The following SANBR variants were observed in gnomAD, a reference collection of about 807,000 sequenced individuals.
The protein encoded by SANBR is SANT and BTB domain regulator of CSR, also known as SANT and BTB domain regulator of class switch recombination.
In SANBR, 77 loss-of-function variants were observed where a neutral mutation model predicts 101.8. The observed-to-expected ratio is 0.76, with a 90% CI of 0.63 to 0.91. The LOEUF is 0.91. SANBR is among the 40% of genes least tolerant of loss of function. The pLI, the probability that SANBR is intolerant of heterozygous loss-of-function variation, is 0.00. For synonymous variants in SANBR, 279 were observed against 274.7 expected (o/e 1.02, Z -0.15); for missense variants, 875 against 853.0 (o/e 1.03, Z -0.32).
chr2:61,104,987 A>G (rs1022400633), intron 13 of SANBR, among the ~76,000 whole-genome samples: 4 of 151,208 alleles, frequency 2.6e-5, no homozygotes, highest in Admixed American at 1.3e-4. Context: ...TCATCTCTCC[A>G]TGAGTTTGAA....
chr2:61,118,839 C>T (rs1373198275), intron 20 of SANBR, among the ~76,000 whole-genome samples: 3 of 152,094 alleles, frequency 2.0e-5, no homozygotes, highest in Admixed American at 6.6e-5. Flanking sequence ...GGATTATAGG[C>T]GTGAGCCACA....
At chr2:61,068,306 C>G (rs1480873665) in intron 1 of SANBR, among the ~76,000 whole-genome samples, 5 of 152,136 alleles carry the variant, frequency 3.3e-5, no homozygotes, top group African/African-American at 9.7e-5. Flanking sequence ...ATGACCAACT[C>G]TTTAAAAAAC....
At chr2:61,088,588 T>C in intron 10 of SANBR, 120 bp downstream of exon 10, 1 of 586,332 alleles carries the variant, frequency 1.7e-6, no homozygotes, top group Non-Finnish European at 2.7e-6. Context: ...GGTGTGGTCT[T>C]GGCTGACTGC....
At chr2:61,121,878 T>C (rs1445506230) in intron 21 of SANBR, among the ~76,000 whole-genome samples, 1 of 152,184 alleles carries the variant, frequency 6.6e-6, no homozygotes, top group Non-Finnish European at 1.5e-5. Flanking sequence ...TTCATCCCAC[T>C]TATATTTGAT....
chr2:61,104,166 A>G (rs1275252036), intron 13 of SANBR, among the ~76,000 whole-genome samples, 168 bp downstream of exon 13: 1 of 152,180 alleles, frequency 6.6e-6, no homozygotes, highest in Non-Finnish European at 1.5e-5. Flanking sequence ...ACAGATATTT[A>G]TATGATAGGC....
chr2:61,092,695 C>T (rs142147723), intron 11 of SANBR, 108 bp downstream of exon 11: 197 of 941,528 alleles, frequency 2.1e-4, no homozygotes, highest in Non-Finnish European at 6.7e-5. Context: ...CAATATCCAA[C>T]ATCTTTTTAA....
At chr2:61,086,946 A>T (rs770650684) in intron 8 of SANBR, among the ~76,000 whole-genome samples, 1 of 152,228 alleles carries the variant, frequency 6.6e-6, no homozygotes, top group Non-Finnish European at 1.5e-5. Flanking sequence ...ATAGCAGAAG[A>T]CATTACACAA....
chr2:61,092,622 A>G (rs775889045), intron 11 of SANBR, 35 bp downstream of exon 11: 5 of 1,486,054 alleles, frequency 3.4e-6, no homozygotes, highest in Admixed American at 4.3e-5. Context: ...CTGCTCTGCA[A>G]ATATTGAGAG....
At chr2:61,068,443 T>A (rs987789746) in intron 1 of SANBR, among the ~76,000 whole-genome samples, 1 of 152,174 alleles carries the variant, frequency 6.6e-6, no homozygotes, top group African/African-American at 2.4e-5. Context: ...ATAGTAATAA[T>A]TTATTTATTT....
In SANBR at chr2:61,112,395, A is replaced by G. The variant is rs147233310; in HGVS notation, c.1744+3099A>G. On this transcript the variant is annotated intron_variant, in intron 16 of 21. Transcript: ENST00000402291. ...ATTGGATCATTTGCCTTATTATTGAATTGTAAGATTTCTTTGTATATACTT... is the reference window on the plus strand; with the variant it reads ...ATTGGATCATTTGCCTTATTATTGAGTTGTAAGATTTCTTTGTATATACTT... Among the ~76,000 whole-genome samples the G allele has an allele frequency of 2.9e-3, 439 of 152,154 alleles. 1 individual carries two copies. Among genetic ancestry groups the G allele is most frequent in the African/African-American group, 9.9e-3 (409 of 41,506 alleles).
chr2:61,096,705 T>C (rs1177299), intron 11 of SANBR, among the ~76,000 whole-genome samples: 126,028 of 152,112 alleles, frequency 0.83, 52,742 homozygotes, highest in African/African-American at 0.93. Context: ...TGTACCATCG[T>C]ACCTGGTCCT....
chr2:61,082,250 A>AAAT (rs1170007807), intron 7 of SANBR, among the ~76,000 whole-genome samples: 2 of 152,224 alleles, frequency 1.3e-5, no homozygotes, highest in Non-Finnish European at 2.9e-5. Flanking sequence ...AGCAGAGACT[A>AAAT]AATGAGTTTT....
chr2:61,083,180 CAAA>C lies in SANBR; in HGVS notation c.759_761del (p.Lys253del). Reference sequence around the variant, plus strand: ...TTGAACAGTGTATTCAGTATTGCCACAAAAATATGAATGCCATAGTAGCTACCC... The same window carrying C: ...TTGAACAGTGTATTCAGTATTGCCACAATATGAATGCCATAGTAGCTACCC... On this transcript the variant is annotated inframe_deletion, in exon 8 of 22. Transcript: ENST00000402291. 1 of 1,612,352 alleles carries C rather than the reference CAAA, an allele frequency of 6.2e-7. No individual in the cohort carries two copies. The highest frequency in any genetic ancestry group is 8.5e-7 in the Non-Finnish European group (1 of 1,178,900).
chr2:61,099,589 G>C (rs1401730988), intron 12 of SANBR, among the ~76,000 whole-genome samples: 1 of 152,184 alleles, frequency 6.6e-6, no homozygotes, highest in Admixed American at 6.5e-5. Flanking sequence ...GGCAGAGGCC[G>C]TTAGATATAT....
intron 10 of SANBR, among the ~76,000 whole-genome samples, chr2:61,090,050 T>C (rs934218679): frequency 2.0e-5 from 3 of 151,946 alleles, no homozygotes; most frequent in African/African-American, 7.3e-5. Context: ...GCTAGGAGTC[T>C]GAGGCAGGAG....
In SANBR at chr2:61,092,474, T is replaced by C. The variant is rs768516722; in HGVS notation, c.1099T>C (p.Trp367Arg). The change falls in exon 11 of 22, where the codon TGG becomes CGG. Residue 367 changes from tryptophan to arginine, a missense_variant. Coordinates refer to ENST00000402291, the MANE Select transcript of SANBR (RefSeq NM_001129993.3). ...AGGCTCTTTCTCCAGAGATAAGACA[T>C]GGGATGTTCATGAGTATTTGAATAG... ...IVYIHIRDKTWDVHEYLNSLF... is the reference protein window; with the variant it reads ...IVYIHIRDKTRDVHEYLNSLF... 6.3e-7 allele frequency: 1 copy of C among 1,583,490 alleles called. No individual in the cohort carries two copies.
chr2:61,079,187 A>G (rs1490828931), intron 6 of SANBR, among the ~76,000 whole-genome samples: 1 of 152,198 alleles, frequency 6.6e-6, no homozygotes, highest in Non-Finnish European at 1.5e-5. Flanking sequence ...CAACCCACAT[A>G]AAGAAAAACC....
intron 20 of SANBR, among the ~76,000 whole-genome samples, chr2:61,130,642 G>GT (rs993248466): frequency 4.2e-4 from 63 of 150,190 alleles, no homozygotes; most frequent in Admixed American, 2.3e-3. Context: ...TATCAATATA[G>GT]TTTTTTTTTT....
intron 16 of SANBR, among the ~76,000 whole-genome samples, chr2:61,112,797 T>C (rs75733453): frequency 1.3e-5 from 2 of 152,174 alleles, no homozygotes; most frequent in African/African-American, 2.4e-5. Flanking sequence ...CAGGCCTAAT[T>C]TTCTTAATGA....
Sources: allele counts gnomAD v4.1 joint callset (sites outside exome capture counted in the v4.1 genomes callset), GRCh38; gene constraint gnomAD v4.1.1; transcripts MANE v1.5; gene names NCBI Gene and HGNC (gene_info 2026-07-23, HGNC 2026-07-21).